Variants in ANKRD17 observed in about 807,000 individuals in gnomAD.
The protein encoded by ANKRD17 is ankyrin repeat domain 17.
ANKRD17 carries 19 observed loss-of-function variants against 229.7 expected under a neutral mutation model. The observed-to-expected ratio is 0.08, with a 90% confidence interval of 0.06 to 0.12. The LOEUF (loss-of-function observed/expected upper bound fraction) is 0.12. ANKRD17 is among the 10% of genes least tolerant of loss of function. The pLI is 1.00. For synonymous variants in ANKRD17, 1,112 were observed against 1,146.1 expected (o/e 0.97, Z 0.60); for missense variants, 2,176 against 3,176.8 (o/e 0.68, Z 7.57).
chr4:73,120,322 G>A lies in ANKRD17; in HGVS notation c.3865C>T (p.Leu1289=), dbSNP rs1159934601. 5 of 1,614,000 alleles carry A rather than the reference G, an allele frequency of 3.1e-6. No homozygotes were observed. In the Middle Eastern group the frequency reaches 8.2e-4, roughly 266 times the overall value. ...EHRAKTGLTP[L]MEAASGGYAE... ...TATCCACCAGAGGCAGCTTCCATTA[G>A]TGGTGTGAGACCAGTCTAAGTTTAG... Residue 1289 remains leucine (L), a synonymous_variant, in exon 21 of 34, where the codon CTA becomes TTA. Coordinates refer to ENST00000358602, the MANE Select transcript of ANKRD17 (RefSeq NM_032217.5).
At chr4:73,246,355 T>G (rs577712802) in intron 1 of ANKRD17, among the ~76,000 whole-genome samples, 12 of 152,304 alleles carry the variant, frequency 7.9e-5, no homozygotes, top group South Asian at 2.1e-4. Context: ...GAGGGAGAGA[T>G]AGTTGTTTAT....
intron 1 of ANKRD17, among the ~76,000 whole-genome samples, chr4:73,212,127 TGGG>T (rs1176410991): frequency 2.2e-4 from 33 of 152,066 alleles, no homozygotes; most frequent in Admixed American, 5.9e-4. Context: ...TCCCAAGGTG[TGGG>T]TTGGGCAGAG....
rs1171933712 is a variant in ANKRD17 at position 73,091,091 on chromosome 4, T to C, written c.6537A>G (p.Arg2179=). The C allele has an allele frequency of 1.9e-6, 3 of 1,614,116 alleles. No individual in the cohort carries two copies. Among genetic ancestry groups the C allele is most frequent in the South Asian group, 2.2e-5 (2 of 91,076 alleles). ...PTPKMETPAI[R]PPPHGTTAPH... is the part of the protein sequence containing the mutation. Reference sequence around the variant, plus strand: ...GGGCAGTTGTGCCATGAGGGGGTGGTCTAATAGCAGGGGTTTCCATTTTAG... The same window carrying C: ...GGGCAGTTGTGCCATGAGGGGGTGGCCTAATAGCAGGGGTTTCCATTTTAG... The change falls in exon 29 of 34, where the codon AGA becomes AGG. Residue 2179 remains arginine (R), a synonymous_variant. Coordinates refer to ENST00000358602, the MANE Select transcript of ANKRD17 (RefSeq NM_032217.5).
chr4:73,118,599 A>G, intron 22 of ANKRD17, 89 bp downstream of exon 22: 1 of 1,445,900 alleles, frequency 6.9e-7, no homozygotes, highest in Non-Finnish European at 9.5e-7. Flanking sequence ...CTGCAAAAGC[A>G]CAAAATGAGT....
intron 21 of ANKRD17, among the ~76,000 whole-genome samples, 189 bp downstream of exon 21, chr4:73,119,973 A>G (rs1264345087): frequency 6.6e-6 from 1 of 152,210 alleles, no homozygotes; most frequent in Non-Finnish European, 1.5e-5. Context: ...GGTTACACAG[A>G]AACAAATCAG....
chr4:73,152,333 G>A (rs187021611), intron 6 of ANKRD17, among the ~76,000 whole-genome samples: 55 of 152,098 alleles, frequency 3.6e-4, no homozygotes, highest in African/African-American at 1.2e-3. Context: ...AGTATCTGCC[G>A]CGTCTTATAT....
chr4:73,133,007 G>A (rs1256848157), intron 16 of ANKRD17, among the ~76,000 whole-genome samples: 4 of 152,140 alleles, frequency 2.6e-5, no homozygotes, highest in Non-Finnish European at 4.4e-5. Flanking sequence ...AGCACTTTGG[G>A]TGGCTAATGC....
At chr4:73,224,051 A>T (rs1182719773) in intron 1 of ANKRD17, among the ~76,000 whole-genome samples, 1 of 152,086 alleles carries the variant, frequency 6.6e-6, no homozygotes, top group Admixed American at 6.6e-5. Flanking sequence ...CAGGAGTTCG[A>T]TCAAGACCAG....
chr4:73,199,221 CTGTGTGTGTGTGTGTGTGTGTG>C (rs10577503), intron 1 of ANKRD17, among the ~76,000 whole-genome samples: 3 of 140,396 alleles, frequency 2.1e-5, no homozygotes, highest in African/African-American at 8.0e-5. Flanking sequence ...TACAGTTTGG[CTGTGTGTGTGTGTGTGTGTGTG>C]TGTGTGTGTG....
At chr4:73,191,329 C>CAA (rs1269988474) in intron 1 of ANKRD17, among the ~76,000 whole-genome samples, 11 of 89,000 alleles carry the variant, frequency 1.2e-4, no homozygotes, top group African/African-American at 4.8e-4. Flanking sequence ...AGGCCCCTAC[C>CAA]AAAAAATATA....
intron 1 of ANKRD17, among the ~76,000 whole-genome samples, chr4:73,214,847 T>TAAA (rs766995925): frequency 2.3e-5 from 2 of 85,554 alleles, no homozygotes; most frequent in Admixed American, 1.4e-4. Flanking sequence ...TCGTCTCTAT[T>TAAA]AAAAAAAAAA....
chr4:73,123,411 C>T (rs916479029), intron 18 of ANKRD17, among the ~76,000 whole-genome samples: 1 of 151,870 alleles, frequency 6.6e-6, no homozygotes, highest in Non-Finnish European at 1.5e-5. Context: ...ATTGCCCCTA[C>T]TATGAATTAT....
At chr4:73,120,593 C>T (rs1325356433) in intron 20 of ANKRD17, among the ~76,000 whole-genome samples, 1 of 150,600 alleles carries the variant, frequency 6.6e-6, no homozygotes, top group African/African-American at 2.4e-5. Context: ...GATGCAAGCA[C>T]TTGGCATATA....
chr4:73,148,688 C>T lies in ANKRD17; in HGVS notation c.1567+125G>A, dbSNP rs1476788816. On this transcript the variant is annotated intron_variant, in intron 8 of 33. Transcript: ENST00000358602. ...GCCATTTTCACAGTAAATACTTTAT[C>T]ACTGGTTTGTGTAATAGCTCATTGC... 5.9e-6 allele frequency: 5 copies of T among 841,998 alleles called. No homozygotes were observed. In the African/African-American group the frequency reaches 8.6e-5, roughly 14 times the overall value. 52.2% of individuals were successfully genotyped at this position (841,998 alleles called of 1,614,324 possible).
chr4:73,178,922 C>CA (rs935632788), intron 1 of ANKRD17, among the ~76,000 whole-genome samples: 2 of 151,956 alleles, frequency 1.3e-5, no homozygotes, highest in Non-Finnish European at 2.9e-5. Context: ...GTTTATTTCA[C>CA]AAATCTAAGG....
Position 73,113,426 on chromosome 4 carries a change from A to G in ANKRD17, c.4401+366T>C. On this transcript the variant is annotated intron_variant, in intron 24 of 33. Coordinates refer to ENST00000358602, the MANE Select transcript of ANKRD17 (RefSeq NM_032217.5). ...CTTGGTAGTGCATTTGGTACTTGTG[A>G]TAAACCTGTTGGCAATAAATTACAA... 4.0e-6 allele frequency: 5 copies of G among 1,263,348 alleles called. No homozygotes were observed. In the South Asian group the frequency reaches 6.4e-5, roughly 16 times the overall value. The allele number at this position is 1,263,348 out of a possible 1,614,324, so 78.3% of individuals were successfully genotyped here. A position where few individuals can be genotyped will look rare whatever the true frequency, so the allele number is the denominator to read the frequency against.
At chr4:73,178,191 C>A (rs1408359476) in intron 1 of ANKRD17, among the ~76,000 whole-genome samples, 1 of 152,124 alleles carries the variant, frequency 6.6e-6, no homozygotes, top group Non-Finnish European at 1.5e-5. Context: ...TTTAGAGGAG[C>A]ATTTGCCAAA....
rs1158735771 is a variant in ANKRD17 at position 73,225,826 on chromosome 4, C to T, written c.393+32450G>A. On this transcript the variant is annotated intron_variant, in intron 1 of 33. Coordinates refer to ENST00000358602, the MANE Select transcript of ANKRD17 (RefSeq NM_032217.5). ...GCAGTGAGTCGAGATCACGCCACTG[C>T]ACTCCAGCTTGGGCAACAGGGCAAG... 6.5e-5 allele frequency among the ~76,000 whole-genome samples: 8 copies of T among 122,434 alleles called. No individual in the cohort carries two copies. In the East Asian group the frequency reaches 1.8e-3, roughly 28 times the overall value. 80.3% of individuals were successfully genotyped at this position (122,434 alleles called of 152,430 possible). A position where few individuals can be genotyped will look rare whatever the true frequency, so the allele number is the denominator to read the frequency against.
At chr4:73,094,860 TAACTC>T (rs1400187783) in intron 27 of ANKRD17, among the ~76,000 whole-genome samples, 1 of 152,048 alleles carries the variant, frequency 6.6e-6, no homozygotes, top group Non-Finnish European at 1.5e-5. Context: ...CTAATATACA[TAACTC>T]AAAGAGTGAT....
Sources: allele counts gnomAD v4.1 joint callset (sites outside exome capture counted in the v4.1 genomes callset), GRCh38; gene constraint gnomAD v4.1.1; transcripts MANE v1.5; gene names NCBI Gene and HGNC (gene_info 2026-07-23, HGNC 2026-07-21).